The following ARHGAP6 variants were observed in gnomAD, a reference collection of about 807,000 sequenced individuals.
The protein encoded by ARHGAP6 is rho GTPase-activating protein 6.
ARHGAP6 carries 16 observed loss-of-function variants against 55.7 expected under a neutral mutation model. That is an observed-to-expected ratio of 0.29 (90% CI 0.19 to 0.44). The LOEUF is 0.44. ARHGAP6 is among the 20% of genes least tolerant of loss of function. The pLI is 1.00. For synonymous variants in ARHGAP6, 382 were observed against 360.9 expected, an observed-to-expected ratio of 1.06 and a Z score of -0.66; for missense variants, 698 against 808.9, an observed-to-expected ratio of 0.86 and a Z score of 1.66.
At chrX:11,220,438 C>A (rs1304404997) in intron 2 of ARHGAP6, among the ~76,000 whole-genome samples, 2 of 111,477 alleles carry the variant, frequency 1.8e-5, no homozygotes, top group Non-Finnish European at 1.9e-5. Flanking sequence ...GATCTCTCGG[C>A]AGAAACCCTA....
At chrX:11,172,317 C>G (rs2046103540) in intron 8 of ARHGAP6, among the ~76,000 whole-genome samples, 1 of 111,582 alleles carries the variant, frequency 9.0e-6, no homozygotes, top group African/African-American at 3.3e-5. Context: ...AATCATTTTT[C>G]TTTGTTTTAT....
chrX:11,296,978 A>G, intron 1 of ARHGAP6: 1 of 834,205 alleles, frequency 1.2e-6, no homozygotes, highest in East Asian at 3.2e-5. Context: ...TTAAGCTCTG[A>G]TGGTTGGCCT....
At chrX:11,520,405 C>T (rs112078295) in intron 1 of ARHGAP6, among the ~76,000 whole-genome samples, 10,842 of 104,026 alleles carry the variant, frequency 0.1, 842 homozygotes, top group African/African-American at 0.23. Context: ...AGTGAGAACA[C>T]GCAGTGTTTG....
At position 11,261,252 on chromosome X, in the gene ARHGAP6, G is replaced by T. The variant is rs534513344; in HGVS notation, c.589-6545C>A. Among the ~76,000 whole-genome samples, 7 of 111,351 alleles carry T rather than the reference G, an allele frequency of 6.3e-5. No individual in the cohort carries two copies. In the South Asian group the frequency reaches 2.7e-3, roughly 43 times the overall value. The stretch of plus-strand genomic sequence containing the variant: ...AAATAAATGTGATAATAGGTGACGC[G>T]GGGAAGAGTTAATCCGTGATACCTA... On this transcript the variant is annotated intron_variant, in intron 1 of 12. Coordinates refer to ENST00000337414, the MANE Select transcript of ARHGAP6 (RefSeq NM_013427.3).
chrX:11,432,981 C>T (rs2049954741), intron 1 of ARHGAP6, among the ~76,000 whole-genome samples: 1 of 112,677 alleles, frequency 8.9e-6, no homozygotes, highest in Admixed American at 9.3e-5. Context: ...TCTTCCCACC[C>T]TCTTAACCCT....
chrX:11,313,060 C>T (rs1045722211), intron 1 of ARHGAP6, among the ~76,000 whole-genome samples: 16 of 112,347 alleles, frequency 1.4e-4, no homozygotes, highest in African/African-American at 4.8e-4. Flanking sequence ...ATTAAATCTG[C>T]TAAACAACCT....
chrX:11,305,168 A>G (rs1255345437), intron 1 of ARHGAP6, among the ~76,000 whole-genome samples: 1 of 110,931 alleles, frequency 9.0e-6, no homozygotes, highest in African/African-American at 3.3e-5. Flanking sequence ...CAATGTCTGG[A>G]GTCACAACAG....
chrX:11,611,134 G>C (rs2052097136), intron 1 of ARHGAP6, among the ~76,000 whole-genome samples: 1 of 112,169 alleles, frequency 8.9e-6, no homozygotes, highest in Non-Finnish European at 1.9e-5. Flanking sequence ...ATAAACATTT[G>C]TGTGCAACTT....
At chrX:11,191,419 G>T (rs1057365851) in intron 3 of ARHGAP6, among the ~76,000 whole-genome samples, 3 of 111,989 alleles carry the variant, frequency 2.7e-5, no homozygotes, top group African/African-American at 9.7e-5. Context: ...TTCTAGTAAA[G>T]CTTTATTTAC....
intron 2 of ARHGAP6, among the ~76,000 whole-genome samples, chrX:11,228,629 G>A (rs2047088023): frequency 8.9e-6 from 1 of 112,044 alleles, no homozygotes; most frequent in African/African-American, 3.2e-5. Flanking sequence ...CATAAGTACT[G>A]CATATTTAAT....
At chrX:11,182,781 A>G (rs1339705232) in intron 5 of ARHGAP6, among the ~76,000 whole-genome samples, 1 of 108,392 alleles carries the variant, frequency 9.2e-6, no homozygotes, top group Non-Finnish European at 1.9e-5. Context: ...TACTGCCAGC[A>G]CATGCCTCCA....
intron 1 of ARHGAP6, among the ~76,000 whole-genome samples, chrX:11,486,625 G>C (rs1198245773): frequency 3.6e-5 from 4 of 112,036 alleles, no homozygotes; most frequent in African/African-American, 9.7e-5. Flanking sequence ...TGCAGGACAG[G>C]TATCTGCATC....
At chrX:11,311,777 C>T (rs1038877193) in intron 1 of ARHGAP6, among the ~76,000 whole-genome samples, 6 of 111,709 alleles carry the variant, frequency 5.4e-5, no homozygotes, top group African/African-American at 2.0e-4. Context: ...TTCTGAAACA[C>T]ACTCGAGTGT....
chrX:11,426,033 C>T (rs1442558565), intron 1 of ARHGAP6, among the ~76,000 whole-genome samples: 1 of 112,115 alleles, frequency 8.9e-6, no homozygotes, highest in Admixed American at 9.4e-5. Flanking sequence ...CACTGAGCCA[C>T]CGGTGTCTCC....
chrX:11,645,520 GTTTTA>G (rs1323073317), intron 1 of ARHGAP6, among the ~76,000 whole-genome samples: 6 of 111,666 alleles, frequency 5.4e-5, no homozygotes, highest in African/African-American at 1.6e-4. Context: ...ATGGAAAATG[GTTTTA>G]TTTTAAGTCA....
chrX:11,230,677 GTA>G (rs1198123990), intron 2 of ARHGAP6, among the ~76,000 whole-genome samples: 4 of 108,766 alleles, frequency 3.7e-5, no homozygotes, highest in Non-Finnish European at 7.6e-5. Flanking sequence ...GTGTGTGTGT[GTA>G]TGTATATATG....
intron 1 of ARHGAP6, among the ~76,000 whole-genome samples, chrX:11,490,668 G>C (rs939608316): frequency 2.7e-5 from 3 of 112,162 alleles, no homozygotes; most frequent in African/African-American, 9.7e-5. Flanking sequence ...ACTGCAATTC[G>C]TTTCCAGGTC....
intron 9 of ARHGAP6, among the ~76,000 whole-genome samples, chrX:11,162,185 A>C (rs1045726221): frequency 2.7e-5 from 3 of 110,848 alleles, no homozygotes; most frequent in Admixed American, 9.7e-5. Flanking sequence ...CCTATTGAAA[A>C]TGGGTACATG....
intron 1 of ARHGAP6, among the ~76,000 whole-genome samples, chrX:11,349,978 T>A (rs1416146861): frequency 1.8e-5 from 2 of 111,507 alleles, no homozygotes; most frequent in Non-Finnish European, 3.8e-5. Context: ...CTTATAAAAC[T>A]GGAATATGGC....
Sources: allele counts gnomAD v4.1 joint callset (sites outside exome capture counted in the v4.1 genomes callset), GRCh38; gene constraint gnomAD v4.1.1; transcripts MANE v1.5; gene names NCBI Gene and HGNC (gene_info 2026-07-23, HGNC 2026-07-21).